The following GABRR2 variants were observed in gnomAD, a reference collection of about 807,000 sequenced individuals.
The protein encoded by GABRR2 is gamma-aminobutyric acid type A receptor subunit rho2.
Under a neutral mutation model 47.0 loss-of-function variants are expected in GABRR2, and 36 were observed. That is an observed-to-expected ratio of 0.77 (90% CI 0.59 to 1.01). GABRR2 has a LOEUF of 1.01. Among genes scored for constraint, GABRR2 ranks in the 50% least tolerant of loss-of-function variants. The pLI is 0.00. For missense variants in GABRR2, 587 were observed against 594.6 expected (o/e 0.99, Z 0.13); for synonymous variants, 204 against 227.5 (o/e 0.90, Z 0.93).
rs1195140777 is a variant in GABRR2, at chr6:89,254,735, C to T, written c.*2935G>A. 6.6e-6 allele frequency among the ~76,000 whole-genome samples: 1 copy of T among 152,270 alleles called. No individual in the cohort carries two copies. The highest frequency in any genetic ancestry group is 6.5e-5 in the Admixed American group (1 of 15,296). ...GAATCATCCCATGTTCTCACTATTT[C>T]CTTAGTTCCTGTTTTCTACTCCTAC... On this transcript the variant is annotated 3_prime_UTR_variant, in exon 9 of 9. Transcript: ENST00000402938.
Position 89,257,123 on chromosome 6 carries a change from C to T in GABRR2, c.*547G>A, listed in dbSNP as rs1404749595. Reference sequence around the variant, plus strand: ...GAATGGATGGATAAATGAATAATCTCCTCTAATATTGCAGAATCCTGTGGG... The same window carrying T: ...GAATGGATGGATAAATGAATAATCTTCTCTAATATTGCAGAATCCTGTGGG... On this transcript the variant is annotated 3_prime_UTR_variant, in exon 9 of 9. Transcript: ENST00000402938. The T allele has an allele frequency of 1.3e-5, 2 of 154,082 alleles. No individual in the cohort carries two copies. Among genetic ancestry groups the T allele is most frequent in the African/African-American group, 4.8e-5 (2 of 41,414 alleles). 9.5% of individuals were successfully genotyped at this position (154,082 alleles called of 1,614,324 possible).
chr6:89,262,028 C>CA (rs35450080), intron 8 of GABRR2, among the ~76,000 whole-genome samples: 16,900 of 130,344 alleles, frequency 0.13, 1,282 homozygotes, highest in African/African-American at 0.23. Context: ...GACCCTGTCT[C>CA]AAAAAAAAAA....
intron 1 of GABRR2, chr6:89,302,889 G>C: frequency 8.2e-7 from 1 of 1,221,570 alleles, no homozygotes; most frequent in Non-Finnish European, 1.2e-6. Context: ...GGGCATCCAG[G>C]AGCTGTTCAA....
intron 2 of GABRR2, among the ~76,000 whole-genome samples, chr6:89,291,197 G>A (rs932110041): frequency 6.6e-6 from 1 of 151,920 alleles, no homozygotes; most frequent in African/African-American, 2.4e-5. Flanking sequence ...CATCTCTCAG[G>A]TCCCTCCATT....
rs890895054 is a variant in GABRR2 at position 89,311,175 on chromosome 6, G to A, written c.113+3878C>T. ...GCAGACGCCCATGAAAGACGCCTCC[G>A]GAAGGCAGATGAAGAGCTCAGCCCG... On this transcript the variant is annotated intron_variant, in intron 1 of 8. Coordinates refer to ENST00000402938, the MANE Select transcript of GABRR2 (RefSeq NM_002043.5). 7.9e-5 allele frequency among the ~76,000 whole-genome samples: 12 copies of A among 152,308 alleles called. 1 individual carries two copies. The South Asian group carries it at 1.0e-3, about 13-fold the overall frequency.
intron 8 of GABRR2, among the ~76,000 whole-genome samples, chr6:89,260,514 G>A (rs1229558213): frequency 6.6e-6 from 1 of 152,196 alleles, no homozygotes; most frequent in African/African-American, 2.4e-5. Context: ...GCTGAGGGGA[G>A]GTAAGCCCTG....
At chr6:89,279,945 C>T (rs1185946233) in intron 2 of GABRR2, among the ~76,000 whole-genome samples, 1 of 152,024 alleles carries the variant, frequency 6.6e-6, no homozygotes, top group Non-Finnish European at 1.5e-5. Flanking sequence ...TGTGGTGGCT[C>T]ACGCCTGTAA....
At chr6:89,276,625 C>T (rs1254369651) in intron 2 of GABRR2, among the ~76,000 whole-genome samples, 1 of 152,006 alleles carries the variant, frequency 6.6e-6, no homozygotes, top group African/African-American at 2.4e-5. Flanking sequence ...GATGCCACTA[C>T]CATTGTCCTA....
chr6:89,303,350 G>C (rs765594048), intron 1 of GABRR2, among the ~76,000 whole-genome samples: 2 of 151,848 alleles, frequency 1.3e-5, no homozygotes, highest in Non-Finnish European at 2.9e-5. Context: ...GACATTTTAT[G>C]GATTTGTTTT....
chr6:89,263,784 A>G (rs1025464974), intron 8 of GABRR2, among the ~76,000 whole-genome samples: 1 of 152,226 alleles, frequency 6.6e-6, no homozygotes, highest in Non-Finnish European at 1.5e-5. Context: ...CGGCCTCCCA[A>G]AGTGCTGGGA....
At chr6:89,280,870 A>C (rs1266732584) in intron 2 of GABRR2, among the ~76,000 whole-genome samples, 1 of 152,266 alleles carries the variant, frequency 6.6e-6, no homozygotes, top group Non-Finnish European at 1.5e-5. Context: ...AAACAAGAAC[A>C]CAGCAAGGAT....
At position 89,271,696 on chromosome 6, in the gene GABRR2, C is replaced by T. The variant is rs756396951; in HGVS notation, c.247G>A (p.Val83Ile). The change falls in exon 3 of 9, where the codon GTA becomes ATA. Residue 83 changes from valine (V) to isoleucine (I), a missense_variant. By Grantham distance (29) the Val-to-Ile change is conservative. Transcript: ENST00000402938. ...GGPAIPVGVDVQVESLDSISE... is the reference protein window; with the variant it reads ...GGPAIPVGVDIQVESLDSISE... The stretch of plus-strand genomic sequence containing the variant: ...ATGCTGTCCAGGCTCTCCACCTGTA[C>T]GTCCACGCCCACCGGGATGGCAGGG... 9.9e-6 allele frequency: 16 copies of T among 1,612,362 alleles called. No individual in the cohort carries two copies. Among genetic ancestry groups the T allele is most frequent in the Admixed American group, 6.7e-5 (4 of 59,866 alleles).
chr6:89,287,347 C>T (rs752512089), intron 2 of GABRR2, among the ~76,000 whole-genome samples: 7 of 152,306 alleles, frequency 4.6e-5, no homozygotes, highest in Non-Finnish European at 1.0e-4. Context: ...CTTCAGAAGG[C>T]ATCACATTGG....
At chr6:89,288,942 T>C (rs1327079755) in intron 2 of GABRR2, among the ~76,000 whole-genome samples, 1 of 152,248 alleles carries the variant, frequency 6.6e-6, no homozygotes, top group Non-Finnish European at 1.5e-5. Flanking sequence ...CGTGCCCAGC[T>C]AATGTTTTTA....
chr6:89,304,607 A>G (rs1042489284), intron 1 of GABRR2, among the ~76,000 whole-genome samples: 9 of 152,100 alleles, frequency 5.9e-5, no homozygotes, highest in South Asian at 2.1e-4. Context: ...GAAAAAAAAA[A>G]AAAGAAAAAA....
In GABRR2 at chr6:89,312,519, G is replaced by A. The variant is rs112081691; in HGVS notation, c.113+2534C>T. Among the ~76,000 whole-genome samples, 1,135 of 152,328 alleles carry A rather than the reference G, an allele frequency of 7.5e-3. 9 individuals carry two copies. The highest frequency in any genetic ancestry group is 0.026 in the African/African-American group (1,097 of 41,562). ...AAGTCACATATGTGGCATGCGGTAT[G>A]TGTGTGAGTGTGACCGTGTGTGTGA... On this transcript the variant is annotated intron_variant, in intron 1 of 8. Coordinates refer to ENST00000402938, the MANE Select transcript of GABRR2 (RefSeq NM_002043.5).
chr6:89,266,737 C>A (rs1399071820), intron 6 of GABRR2, among the ~76,000 whole-genome samples: 1 of 152,192 alleles, frequency 6.6e-6, no homozygotes, highest in East Asian at 1.9e-4. Flanking sequence ...TTCATCATCC[C>A]ACACAGAAAC....
At chr6:89,296,849 A>G (rs746656710) in intron 2 of GABRR2, among the ~76,000 whole-genome samples, 1 of 152,186 alleles carries the variant, frequency 6.6e-6, no homozygotes, top group Non-Finnish European at 1.5e-5. Flanking sequence ...TGGTGGGAGC[A>G]TTTTCATAAG....
At chr6:89,305,267 A>C (rs1456620320) in intron 1 of GABRR2, among the ~76,000 whole-genome samples, 1 of 152,240 alleles carries the variant, frequency 6.6e-6, no homozygotes, top group Non-Finnish European at 1.5e-5. Flanking sequence ...AGGCATGAGA[A>C]TCACTTGAAC....
Sources: gnomAD v4.1 joint callset for allele counts (sites outside exome capture counted in the v4.1 genomes callset) on GRCh38, gnomAD v4.1.1 for gene constraint, MANE v1.5 for transcripts, NCBI Gene and HGNC (gene_info 2026-07-23, HGNC 2026-07-21) for gene names.